CARF: variants seen among roughly 807,000 people sequenced by gnomAD.
CARF encodes calcium responsive transcription factor.
A neutral mutation model predicts 82.0 loss-of-function variants in CARF; 57 were observed. The observed-to-expected ratio is 0.70, with a 90% confidence interval of 0.56 to 0.87. The LOEUF (loss-of-function observed/expected upper bound fraction) is 0.87. CARF is among the 40% of genes least tolerant of loss of function. The pLI, the probability that CARF is intolerant of heterozygous loss-of-function variation, is 0.00. For missense variants in CARF, 771 were observed against 855.8 expected (o/e 0.90, Z 1.24); for synonymous variants, 268 against 290.1 (o/e 0.92, Z 0.77).
chr2:202,938,331 C>A (rs1190111971), intron 3 of CARF: 2 of 152,362 alleles, frequency 1.3e-5, no homozygotes, highest in East Asian at 3.9e-4. Context: ...TGGCTTACTG[C>A]AACCTCCACT....
chr2:202,921,162 C>T (rs540964379), intron 2 of CARF, among the ~76,000 whole-genome samples: 19 of 152,154 alleles, frequency 1.2e-4, no homozygotes, highest in Admixed American at 9.2e-4. Flanking sequence ...CCACCGTGCC[C>T]GGCTCATTTT....
chr2:202,942,826 T>G lies in CARF; in HGVS notation c.165T>G (p.Asn55Lys), dbSNP rs1346924407. ...TVLPITTREA[N>K]NSLISQNIPG... ...TGCCCATCACTACTCGTGAAGCAAA[T>G]AATTCACTCATATCACAGAATATAC... The change falls in exon 5 of 17, where the codon AAT becomes AAG. Residue 55 changes from asparagine (N) to lysine (K), a missense_variant. Physicochemically the swap from Asn to Lys is moderately conservative, Grantham distance 94. Transcript: ENST00000438828. 8.1e-6 allele frequency: 13 copies of G among 1,613,842 alleles called. No homozygotes were observed. The highest frequency in any genetic ancestry group is 1.1e-5 in the Non-Finnish European group (13 of 1,180,002).
chr2:202,939,627 T>G (rs1209722994), intron 3 of CARF, among the ~76,000 whole-genome samples: 1 of 152,036 alleles, frequency 6.6e-6, no homozygotes, highest in Non-Finnish European at 1.5e-5. Context: ...ATCTTCCAAT[T>G]TAATAATTAT....
chr2:202,939,467 C>T (rs1188924265), intron 3 of CARF, among the ~76,000 whole-genome samples: 1 of 152,054 alleles, frequency 6.6e-6, no homozygotes, highest in Non-Finnish European at 1.5e-5. Context: ...AGTTTAAGAG[C>T]ATCTATATTG....
chr2:202,955,035 A>G (rs2058971452), intron 7 of CARF, among the ~76,000 whole-genome samples: 1 of 151,884 alleles, frequency 6.6e-6, no homozygotes, highest in Non-Finnish European at 1.5e-5. Context: ...AAAATTCATT[A>G]TAGTTCCTAA....
chr2:202,969,951 A>C lies in CARF; in HGVS notation c.986A>C (p.Glu329Ala), dbSNP rs759002106. Residue 329 changes from glutamate (E) to alanine (A), a missense_variant, in exon 11 of 17, where the codon GAA (glutamate) becomes GCA (alanine). By Grantham distance (107) the Glu-to-Ala change is moderately radical. Transcript: ENST00000438828. The stretch of plus-strand genomic sequence containing the variant: ...ATTAAAAAGGTACAGAAGTTTCCTG[A>C]ATATAGAGTTCCTACAGACCCCAAA... ...IYIKKVQKFP[E>A]YRVPTDPKID... 1.3e-6 allele frequency: 2 copies of C among 1,545,556 alleles called. No individual in the cohort carries two copies. Among genetic ancestry groups the C allele is most frequent in the Non-Finnish European group, 8.7e-7 (1 of 1,154,068 alleles).
chr2:202,970,187 A>G (rs185832186), intron 11 of CARF, 125 bp downstream of exon 11: 3 of 851,636 alleles, frequency 3.5e-6, no homozygotes, highest in Non-Finnish European at 5.3e-6. Flanking sequence ...AGGTAGAGAT[A>G]TCAATAGTTC....
intron 5 of CARF, 68 bp downstream of exon 5, chr2:202,943,035 C>A: frequency 8.4e-7 from 1 of 1,185,436 alleles, no homozygotes; most frequent in South Asian, 1.4e-5. Flanking sequence ...ACTAAATGAC[C>A]TTAATTTCTT....
intron 3 of CARF, among the ~76,000 whole-genome samples, chr2:202,926,975 A>G (rs956120862): frequency 1.4e-4 from 22 of 152,020 alleles, no homozygotes; most frequent in Admixed American, 1.2e-3. Flanking sequence ...CACCATGCCC[A>G]GCTAATTTTT....
chr2:202,918,406 A>G (rs1322268707), intron 2 of CARF, among the ~76,000 whole-genome samples: 2 of 152,160 alleles, frequency 1.3e-5, no homozygotes, highest in African/African-American at 4.8e-5. Context: ...CTATAGTCCC[A>G]GCTACTCTGG....
chr2:202,960,510 A>G (rs1313741538), intron 8 of CARF, among the ~76,000 whole-genome samples: 2 of 152,084 alleles, frequency 1.3e-5, no homozygotes, highest in East Asian at 3.8e-4. Flanking sequence ...CTGGCCTCCC[A>G]AAGTGCTGGG....
chr2:202,913,963 A>G (rs1457391013), intron 1 of CARF, among the ~76,000 whole-genome samples: 1 of 152,194 alleles, frequency 6.6e-6, no homozygotes, highest in Non-Finnish European at 1.5e-5. Context: ...TACACTTTTC[A>G]TTTGACGGAG....
At chr2:202,982,584 G>A in intron 16 of CARF, 143 bp downstream of exon 16, 1 of 824,170 alleles carries the variant, frequency 1.2e-6, no homozygotes, top group African/African-American at 1.8e-5. Flanking sequence ...GAGAGAAGGA[G>A]GAGATTTCAT....
At chr2:202,968,317 G>A (rs1442146458) in intron 10 of CARF, among the ~76,000 whole-genome samples, 2 of 152,040 alleles carry the variant, frequency 1.3e-5, no homozygotes, top group Non-Finnish European at 1.5e-5. Context: ...CAGGAGAATC[G>A]CTTGAATCCA....
Position 202,918,015 on chromosome 2 carries a change from G to A in CARF, c.-191G>A, listed in dbSNP as rs1221175762. The A allele has an allele frequency of 8.9e-6, 4 of 450,022 alleles. No individual in the cohort carries two copies. The Admixed American group carries it at 9.6e-5, about 11-fold the overall frequency. 27.9% of individuals were successfully genotyped at this position (450,022 alleles called of 1,614,324 possible). On this transcript the variant is annotated 5_prime_UTR_variant, in exon 2 of 17. It introduces an in-frame stop codon into an upstream open reading frame of the 5' UTR. Transcript: ENST00000438828. ...GGGGGTAGTAGAATGCTTGAGGCCT[G>A]GAATTTAAACCTGAGCCACTATCTG...
rs905325408 is a variant in CARF, at chr2:202,985,488, T to C, written c.*1864T>C. 6.6e-6 allele frequency: 1 copy of C among 152,192 alleles called. No homozygotes were observed. Among genetic ancestry groups the C allele is most frequent in the Non-Finnish European group, 1.5e-5 (1 of 68,008 alleles). 9.4% of individuals were successfully genotyped at this position (152,192 alleles called of 1,614,324 possible). Reference sequence around the variant, plus strand: ...GTATGATTTTTAATAAAAATTACTTTACTTTTTCCTATGAATTTAAAACAT... The same window carrying C: ...GTATGATTTTTAATAAAAATTACTTCACTTTTTCCTATGAATTTAAAACAT... On this transcript the variant is annotated 3_prime_UTR_variant, in exon 17 of 17. Transcript: ENST00000438828.
At chr2:202,963,174 C>T (rs376094922) in intron 9 of CARF, 20 of 152,288 alleles carry the variant, frequency 1.3e-4, no homozygotes, top group Non-Finnish European at 8.8e-5. Context: ...AAAAATTAGC[C>T]GGGCGAGGTG....
At chr2:202,972,405 G>A (rs1032748238) in intron 12 of CARF, among the ~76,000 whole-genome samples, 43 of 151,858 alleles carry the variant, frequency 2.8e-4, no homozygotes, top group African/African-American at 9.4e-4. Flanking sequence ...AGAGTCAGGC[G>A]CAGTGGCTCA....
Position 202,950,785 on chromosome 2 carries a change from T to G in CARF, c.307-1774T>G, listed in dbSNP as rs565350918. Among the ~76,000 whole-genome samples, 21 of 152,320 alleles carry G rather than the reference T, an allele frequency of 1.4e-4. No homozygotes were observed. In the East Asian group the frequency reaches 2.5e-3, roughly 18 times the overall value. ...GGTAATACATCTGAAGTGCTGCCACTTCCTATGAACTGAGCACGTGTAAGC... is the reference window on the plus strand; with the variant it reads ...GGTAATACATCTGAAGTGCTGCCACGTCCTATGAACTGAGCACGTGTAAGC... On this transcript the variant is annotated intron_variant, in intron 5 of 16. Transcript: ENST00000438828.
Sources: gnomAD v4.1 joint callset for allele counts (sites outside exome capture counted in the v4.1 genomes callset) on GRCh38, gnomAD v4.1.1 for gene constraint, MANE v1.5 for transcripts, NCBI Gene and HGNC (gene_info 2026-07-23, HGNC 2026-07-21) for gene names.